AIM2: variants seen among roughly 807,000 people sequenced by gnomAD.
The protein encoded by AIM2 is absent in melanoma 2, also known as interferon-inducible protein AIM2.
In AIM2, 30 loss-of-function variants were observed where a neutral mutation model predicts 27.7. That is an observed-to-expected ratio of 1.08 (90% CI 0.81 to 1.47). AIM2 has a LOEUF of 1.47. Among genes scored for constraint, AIM2 ranks in the 40% most tolerant of loss-of-function variants. AIM2 has a pLI of 0.00. For missense variants in AIM2, 358 were observed against 411.3 expected, an observed-to-expected ratio of 0.87 and a Z score of 1.12; for synonymous variants, 141 against 145.3, an observed-to-expected ratio of 0.97 and a Z score of 0.21.
intron 1 of AIM2, among the ~76,000 whole-genome samples, chr1:159,138,497 G>T (rs1648052904): frequency 6.6e-6 from 1 of 152,018 alleles, no homozygotes; most frequent in Non-Finnish European, 1.5e-5. Context: ...TACCTAAAAT[G>T]CTATTAGCTA....
downstream of AIM2, among the ~76,000 whole-genome samples, chr1:159,058,339 A>T (rs1294747053): frequency 1.9e-5 from 2 of 105,926 alleles, no homozygotes; most frequent in Admixed American, 1.1e-4. Flanking sequence ...ACAGAGCAAG[A>T]TTCTGTCTCA....
intron 1 of AIM2, among the ~76,000 whole-genome samples, chr1:159,107,739 A>C (rs1216096846): frequency 6.6e-6 from 1 of 152,216 alleles, no homozygotes; most frequent in African/African-American, 2.4e-5. Flanking sequence ...CAGACACCAC[A>C]GAAATACAAA....
At chr1:159,102,512 A>C (rs1040426477) in intron 1 of AIM2, among the ~76,000 whole-genome samples, 8 of 152,200 alleles carry the variant, frequency 5.3e-5, no homozygotes, top group Admixed American at 3.3e-4. Flanking sequence ...AGCTTGCCCC[A>C]TGTGCCTGGA....
intron 1 of AIM2, among the ~76,000 whole-genome samples, chr1:159,084,147 TAG>T (rs1656843887): frequency 6.6e-6 from 1 of 152,222 alleles, no homozygotes; most frequent in Non-Finnish European, 1.5e-5. Flanking sequence ...TAGTATGTGG[TAG>T]AGTCAGAATT....
upstream of AIM2, among the ~76,000 whole-genome samples, chr1:159,079,053 C>T (rs184594995): frequency 6.3e-4 from 96 of 151,350 alleles, no homozygotes; most frequent in African/African-American, 2.3e-3. Flanking sequence ...TATGAGTAAA[C>T]AGACATAAAT....
At chr1:159,116,723 A>G (rs536016751) in intron 1 of AIM2, among the ~76,000 whole-genome samples, 2 of 152,136 alleles carry the variant, frequency 1.3e-5, no homozygotes, top group African/African-American at 4.8e-5. Flanking sequence ...TTGGAGATAT[A>G]CCTAATGTTA....
chr1:159,105,467 C>T (rs138374646), intron 1 of AIM2, among the ~76,000 whole-genome samples: 4 of 152,308 alleles, frequency 2.6e-5, no homozygotes, highest in East Asian at 1.9e-4. Context: ...CACCATTCAG[C>T]GGTCCTGAAT....
chr1:159,095,392 C>T (rs2102012987), intron 1 of AIM2, among the ~76,000 whole-genome samples: 1 of 152,236 alleles, frequency 6.6e-6, no homozygotes, highest in Admixed American at 6.5e-5. Context: ...GTAGTGGTTG[C>T]ATGTACTTGA....
intron 1 of AIM2, among the ~76,000 whole-genome samples, chr1:159,118,248 G>A (rs1557911091): frequency 1.3e-5 from 2 of 152,144 alleles, no homozygotes; most frequent in African/African-American, 2.4e-5. Flanking sequence ...AGAATAAAAC[G>A]AAGCACAGAC....
At chr1:159,091,439 A>G (rs1293878331) in intron 1 of AIM2, among the ~76,000 whole-genome samples, 1 of 152,218 alleles carries the variant, frequency 6.6e-6, no homozygotes, top group Non-Finnish European at 1.5e-5. Flanking sequence ...GTCCCTTTTG[A>G]CTACTGTCAG....
At chr1:159,132,719 T>A (rs139098470) in intron 1 of AIM2, among the ~76,000 whole-genome samples, 4 of 152,186 alleles carry the variant, frequency 2.6e-5, no homozygotes, top group African/African-American at 9.7e-5. Flanking sequence ...GAGCTGGACA[T>A]ACAAATTAAA....
intron 1 of AIM2, among the ~76,000 whole-genome samples, chr1:159,086,191 C>G (rs1656908066): frequency 6.6e-6 from 1 of 152,150 alleles, no homozygotes; most frequent in Non-Finnish European, 1.5e-5. Context: ...GTTTGCTCTA[C>G]TTATATTTGA....
At chr1:159,111,805 A>AAAAAAAAAAC (rs1657578090) in intron 1 of AIM2, among the ~76,000 whole-genome samples, 1 of 147,390 alleles carries the variant, frequency 6.8e-6, no homozygotes, top group Non-Finnish European at 1.5e-5. Context: ...AAAAAAAAAA[A>AAAAAAAAAAC]AAAAAAAAAC....
At chr1:159,116,921 A>G (rs10489846) in intron 1 of AIM2, among the ~76,000 whole-genome samples, 13,148 of 152,164 alleles carry the variant, frequency 0.086, 1,411 homozygotes, top group African/African-American at 0.26. Flanking sequence ...GAGAAAATTC[A>G]AGAAGGAAAA....
chr1:159,093,265 T>C (rs1439641901), intron 1 of AIM2, among the ~76,000 whole-genome samples: 1 of 152,130 alleles, frequency 6.6e-6, no homozygotes, highest in Non-Finnish European at 1.5e-5. Context: ...ATACTTCAAT[T>C]CCCCTTCTCA....
upstream of AIM2, among the ~76,000 whole-genome samples, chr1:159,080,858 T>G (rs773088162): frequency 2.6e-5 from 4 of 152,176 alleles, no homozygotes; most frequent in Admixed American, 6.6e-5. Flanking sequence ...TTAAGTGGAA[T>G]AGAACCTATA....
intron 1 of AIM2, among the ~76,000 whole-genome samples, chr1:159,101,795 G>A (rs936392444): frequency 4.6e-5 from 7 of 152,158 alleles, no homozygotes; most frequent in Admixed American, 6.5e-5. Context: ...ACTTAAGAGA[G>A]ATGATTTAGG....
At chr1:159,126,955 C>T (rs1249736532) in intron 1 of AIM2, among the ~76,000 whole-genome samples, 1 of 152,112 alleles carries the variant, frequency 6.6e-6, no homozygotes, top group Non-Finnish European at 1.5e-5. Context: ...GGACAAACCT[C>T]AAAACACAAT....
chr1:159,095,199 T>G (rs1430597116), intron 1 of AIM2, among the ~76,000 whole-genome samples: 1 of 152,208 alleles, frequency 6.6e-6, no homozygotes, highest in Non-Finnish European at 1.5e-5. Flanking sequence ...TGTACATGCT[T>G]TATCATCAAG....
Sources: allele counts gnomAD v4.1 joint callset (sites outside exome capture counted in the v4.1 genomes callset), GRCh38; gene constraint gnomAD v4.1.1; transcripts MANE v1.5; gene names NCBI Gene and HGNC (gene_info 2026-07-23, HGNC 2026-07-21).